Variants in SLC30A6 observed in about 807,000 individuals in gnomAD.
SLC30A6 encodes the protein solute carrier family 30 member 6, also known as zinc transporter 6.
A neutral mutation model predicts 63.0 loss-of-function variants in SLC30A6; 55 were observed. The ratio of observed to expected loss-of-function variants is 0.87; its 90% CI spans 0.70 to 1.09. The LOEUF (loss-of-function observed/expected upper bound fraction) is 1.09. Ranked by LOEUF, SLC30A6 falls within the 50% of genes least tolerant of loss-of-function variation. The pLI is 0.00. For missense variants in SLC30A6, 587 were observed against 549.2 expected (o/e 1.07, Z -0.69); for synonymous variants, 224 against 186.1 (o/e 1.20, Z -1.66).
intron 10 of SLC30A6, among the ~76,000 whole-genome samples, chr2:32,200,145 A>G (rs990275335): frequency 6.6e-6 from 1 of 151,980 alleles, no homozygotes; most frequent in African/African-American, 2.4e-5. Flanking sequence ...ATATATGTTT[A>G]TTTGTCCCCT....
At chr2:32,169,747 C>G (rs2148793656) in intron 1 of SLC30A6, among the ~76,000 whole-genome samples, 1 of 152,240 alleles carries the variant, frequency 6.6e-6, no homozygotes, top group South Asian at 2.1e-4. Context: ...TCAGACTGTC[C>G]TCCTCAAAAG....
intron 4 of SLC30A6, among the ~76,000 whole-genome samples, chr2:32,181,963 A>G (rs1214998903): frequency 1.6e-5 from 2 of 122,196 alleles, no homozygotes; most frequent in African/African-American, 6.5e-5. Flanking sequence ...GAGACAGGGT[A>G]TTACTCTGTC....
At chr2:32,213,886 C>T (rs994043355) in intron 13 of SLC30A6, among the ~76,000 whole-genome samples, 1 of 149,196 alleles carries the variant, frequency 6.7e-6, no homozygotes, top group African/African-American at 2.5e-5. Flanking sequence ...TCACTGCAAC[C>T]TCCGCCTCCT....
chr2:32,188,232 C>G (rs781532216), intron 5 of SLC30A6, among the ~76,000 whole-genome samples: 2 of 152,152 alleles, frequency 1.3e-5, no homozygotes, highest in South Asian at 2.1e-4. Flanking sequence ...CTGGCTTCAT[C>G]GTGTTACTCA....
At chr2:32,193,798 T>C in intron 7 of SLC30A6, 91 bp from the exon 8 acceptor site, 1 of 985,526 alleles carries the variant, frequency 1.0e-6, no homozygotes, top group Non-Finnish European at 1.6e-6. Flanking sequence ...CCACTTTACC[T>C]TCCCACCTCT....
intron 2 of SLC30A6, among the ~76,000 whole-genome samples, chr2:32,173,455 C>T (rs1681422210): frequency 6.6e-6 from 1 of 151,520 alleles, no homozygotes; most frequent in Non-Finnish European, 1.5e-5. Flanking sequence ...CTTACTGCAA[C>T]CTCTGCTTCC....
chr2:32,210,642 T>TA (rs201430390), intron 13 of SLC30A6, among the ~76,000 whole-genome samples: 34 of 151,664 alleles, frequency 2.2e-4, no homozygotes, highest in East Asian at 5.8e-4. Context: ...ACAGTATCAT[T>TA]AAAAAAAACA....
At chr2:32,217,493 A>G (rs1319756904) in intron 13 of SLC30A6, among the ~76,000 whole-genome samples, 2 of 152,120 alleles carry the variant, frequency 1.3e-5, no homozygotes, top group African/African-American at 4.8e-5. Flanking sequence ...AATTCAGGTA[A>G]TGTGATGCTT....
chr2:32,169,285 TG>T (rs1328637751), intron 1 of SLC30A6, among the ~76,000 whole-genome samples: 2 of 152,110 alleles, frequency 1.3e-5, no homozygotes, highest in African/African-American at 4.8e-5. Context: ...CCTTCCACCT[TG>T]GTGTCCTGAG....
chr2:32,169,488 A>G (rs1338247880), intron 1 of SLC30A6, among the ~76,000 whole-genome samples: 1 of 152,056 alleles, frequency 6.6e-6, no homozygotes, highest in Non-Finnish European at 1.5e-5. Context: ...AGAAAAAGAT[A>G]TATTTATTGG....
intron 10 of SLC30A6, chr2:32,202,260 A>G (rs914436136): frequency 3.1e-6 from 2 of 641,546 alleles, no homozygotes; most frequent in Admixed American, 5.6e-5. Context: ...CACAGACGGG[A>G]ACAGGAAAGA....
intron 13 of SLC30A6, among the ~76,000 whole-genome samples, chr2:32,210,012 C>T (rs1685113735): frequency 6.6e-6 from 1 of 152,110 alleles, no homozygotes; most frequent in Admixed American, 6.5e-5. Flanking sequence ...TGAAGAACTA[C>T]AGTAACACAA....
Position 32,211,821 on chromosome 2 carries a change from T to C in SLC30A6, c.885+2260T>C, listed in dbSNP as rs1023833423. On this transcript the variant is annotated intron_variant, in intron 13 of 13. Coordinates refer to ENST00000282587, the MANE Select transcript of SLC30A6 (RefSeq NM_017964.5). ...TTTTAGTAGAGATGGGGTTTTACCA[T>C]GTTGACCAAGCTAGTCTCAGACTCC... is the stretch of plus-strand genomic sequence containing the variant. 2.6e-5 allele frequency among the ~76,000 whole-genome samples: 4 copies of C among 152,216 alleles called. No homozygotes were observed. The East Asian group carries it at 7.7e-4, about 29-fold the overall frequency.
intron 13 of SLC30A6, among the ~76,000 whole-genome samples, chr2:32,217,510 T>C (rs1012498455): frequency 1.3e-5 from 2 of 152,208 alleles, no homozygotes; most frequent in Admixed American, 6.5e-5. Context: ...GCTTCCAGCT[T>C]TGTTCTTTCT....
intron 6 of SLC30A6, 142 bp downstream of exon 6, chr2:32,192,558 G>C (rs1188949575): frequency 1.5e-6 from 1 of 651,524 alleles, no homozygotes; most frequent in Non-Finnish European, 2.6e-6. Flanking sequence ...CTTTCTTTAT[G>C]TTTCAGACTT....
intron 13 of SLC30A6, among the ~76,000 whole-genome samples, chr2:32,213,802 T>TC (rs1228440396): frequency 8.1e-6 from 1 of 124,054 alleles, no homozygotes; most frequent in Non-Finnish European, 1.7e-5. Context: ...TAAACTTTTT[T>TC]TTTTTTTTGT....
chr2:32,204,066 A>G lies in SLC30A6; in HGVS notation c.666-524A>G, dbSNP rs1684530422. On this transcript the variant is annotated intron_variant, in intron 10 of 13. Transcript: ENST00000282587. ...TGCCTAATCATGTATATTATGCACC[A>G]AAAATTAGGTCATCATAGTTGAGGT... is the stretch of plus-strand genomic sequence containing the variant. The G allele has an allele frequency of 4.7e-5, 26 of 549,490 alleles. No homozygotes were observed. In the East Asian group the frequency reaches 8.1e-4, roughly 17 times the overall value. 34.0% of individuals were successfully genotyped at this position (549,490 alleles called of 1,614,324 possible). A position where few individuals can be genotyped will look rare whatever the true frequency, so the allele number is the denominator to read the frequency against.
At chr2:32,208,150 A>C (rs1044620673) in intron 12 of SLC30A6, among the ~76,000 whole-genome samples, 5 of 149,870 alleles carry the variant, frequency 3.3e-5, no homozygotes, top group African/African-American at 1.2e-4. Flanking sequence ...GTTTTTTTTG[A>C]GACTGAGTCT....
At position 32,206,945 on chromosome 2, in the gene SLC30A6, T is replaced by G. The variant is rs1198890200; in HGVS notation, c.816+12T>G. ...AACTCATCAGAGAGGTAAGATGGAA[T>G]AGTAAATAAAATCATTTTATTTTAT... is the stretch of plus-strand genomic sequence containing the variant. On this transcript the variant is annotated intron_variant, in intron 12 of 13. Coordinates refer to ENST00000282587, the MANE Select transcript of SLC30A6 (RefSeq NM_017964.5). 6 of 1,595,172 alleles carry G rather than the reference T, an allele frequency of 3.8e-6. No homozygotes were observed. The highest frequency in any genetic ancestry group is 4.3e-6 in the Non-Finnish European group (5 of 1,163,212).
Sources: allele counts gnomAD v4.1 joint callset (sites outside exome capture counted in the v4.1 genomes callset), GRCh38; gene constraint gnomAD v4.1.1; transcripts MANE v1.5; gene names NCBI Gene and HGNC (gene_info 2026-07-23, HGNC 2026-07-21).